LYST: variants seen among roughly 807,000 people sequenced by gnomAD.
LYST encodes the protein lysosomal-trafficking regulator.
In LYST, 192 loss-of-function variants were observed where a neutral mutation model predicts 413.6. That is an observed-to-expected ratio of 0.46 (90% CI 0.41 to 0.52). The LOEUF (loss-of-function observed/expected upper bound fraction) is 0.52, where lower values mean the gene tolerates loss of function less well. LYST is among the 20% of genes least tolerant of loss of function. The pLI, the probability that LYST is intolerant of heterozygous loss-of-function variation, is 0.00. For missense variants in LYST, 3,815 were observed against 4,499.9 expected (o/e 0.85, Z 4.35); for synonymous variants, 1,525 against 1,567.3 (o/e 0.97, Z 0.64).
chr1:235,830,679 T>C (rs577011993), intron 2 of LYST, among the ~76,000 whole-genome samples: 4 of 152,324 alleles, frequency 2.6e-5, no homozygotes, highest in East Asian at 3.9e-4. Flanking sequence ...TAACAGCACC[T>C]GGATGGAAAA....
chr1:235,752,770 C>G (rs1252978860), intron 26 of LYST, among the ~76,000 whole-genome samples: 2 of 152,038 alleles, frequency 1.3e-5, no homozygotes, highest in East Asian at 3.8e-4. Context: ...TACAATGCTT[C>G]TCTCCATCTG....
At chr1:235,707,485 C>T (rs1016702644) in intron 44 of LYST, among the ~76,000 whole-genome samples, 32 of 151,822 alleles carry the variant, frequency 2.1e-4, no homozygotes, top group South Asian at 8.3e-4. Context: ...TAGCCAGGTG[C>T]GGTGGTGGGC....
At chr1:235,828,995 A>G (rs930722922) in intron 3 of LYST, 1 of 182,444 alleles carries the variant, frequency 5.5e-6, no homozygotes, top group African/African-American at 2.4e-5. Context: ...GCTTGAGGTC[A>G]GGAGTTTAAG....
At chr1:235,882,900 G>T (rs1431431194) in intron 1 of LYST, among the ~76,000 whole-genome samples, 1 of 152,156 alleles carries the variant, frequency 6.6e-6, no homozygotes, top group Non-Finnish European at 1.5e-5. Context: ...CCGAGAATCA[G>T]ATTGGAATCT....
At chr1:235,793,444 TA>T in intron 11 of LYST, 58 bp downstream of exon 11, 1 of 809,398 alleles carries the variant, frequency 1.2e-6, no homozygotes, top group Non-Finnish European at 2.1e-6. Flanking sequence ...TACATTCTAT[TA>T]AAAATTGTAA....
chr1:235,755,503 C>T lies in LYST; in HGVS notation c.7204G>A (p.Gly2402Ser), dbSNP rs1323800720. The T allele has an allele frequency of 6.2e-7, 1 of 1,613,644 alleles. No individual in the cohort carries two copies. Among genetic ancestry groups the T allele is most frequent in the African/African-American group, 1.3e-5 (1 of 74,858 alleles). Residue 2402 changes from glycine (G) to serine (S), a missense_variant, in exon 25 of 53, where the codon GGT becomes AGT. By Grantham distance (56) the Gly-to-Ser change is moderately conservative. Around this residue, in one of 4 missense-constraint regions of LYST, gnomAD observed 771 missense variants for 837.1 expected, o/e 0.92. Coordinates refer to ENST00000389793, the MANE Select transcript of LYST (RefSeq NM_000081.4). ...TCTTCATCAAGGCCAATATGTCGAC[C>T]AAAGAACATTTCGATGAAGCATTCT... ...LLECFIEMFFGRHIGLDEEFD... is the reference protein window; with the variant it reads ...LLECFIEMFFSRHIGLDEEFD...
At chr1:235,667,727 T>C (rs1658609147) in intron 50 of LYST, among the ~76,000 whole-genome samples, 1 of 151,754 alleles carries the variant, frequency 6.6e-6, no homozygotes, top group Non-Finnish European at 1.5e-5. Context: ...AGTGCAGCGG[T>C]ACAATCTCAG....
chr1:235,858,336 A>G (rs1392262009), intron 1 of LYST, among the ~76,000 whole-genome samples: 1 of 152,224 alleles, frequency 6.6e-6, no homozygotes, highest in Non-Finnish European at 1.5e-5. Context: ...TAACCTATGG[A>G]AAATATTTAC....
chr1:235,844,849 T>C (rs754738149), intron 1 of LYST, among the ~76,000 whole-genome samples: 12 of 152,224 alleles, frequency 7.9e-5, no homozygotes, highest in Non-Finnish European at 1.6e-4. Context: ...TCAGTTGAAC[T>C]GTACAATATT....
In LYST at chr1:235,788,816, T is replaced by C. The variant is rs190647059; in HGVS notation, c.4573A>G (p.Ile1525Val). ...TCTATGAGTCTTTCACCAGGATTTATGTACTCTGCACCTTCTGGTCTGTCG... is the reference window on the plus strand; with the variant it reads ...TCTATGAGTCTTTCACCAGGATTTACGTACTCTGCACCTTCTGGTCTGTCG... ...ESDRPEGAEYINPGERLIEEG... is the reference protein window; with the variant it reads ...ESDRPEGAEYVNPGERLIEEG... The change falls in exon 13 of 53, where the codon ATA (isoleucine) becomes GTA (valine). Residue 1525 changes from isoleucine (I) to valine (V), a missense_variant. Coordinates refer to ENST00000389793, the MANE Select transcript of LYST (RefSeq NM_000081.4). 5.6e-6 allele frequency: 9 copies of C among 1,613,858 alleles called. No homozygotes were observed. The East Asian group carries it at 1.6e-4, about 28-fold the overall frequency.
chr1:235,720,728 C>G lies in LYST; in HGVS notation c.9493G>C (p.Val3165Leu). 6.2e-7 allele frequency: 1 copy of G among 1,613,780 alleles called. No homozygotes were observed. Among genetic ancestry groups the G allele is most frequent in the Non-Finnish European group, 8.5e-7 (1 of 1,179,730 alleles). The change falls in exon 40 of 53, where the codon GTG becomes CTG. Residue 3165 changes from valine (V) to leucine (L), a missense_variant. Coordinates refer to ENST00000389793, the MANE Select transcript of LYST (RefSeq NM_000081.4). ...RSFNDLMQYP[V>L]FPFILADYVS... ...TAGTCAGCAAGTATAAATGGGAACACAGGATACTGCATGAGATCATTGAAG... is the reference window on the plus strand; with the variant it reads ...TAGTCAGCAAGTATAAATGGGAACAGAGGATACTGCATGAGATCATTGAAG...
At chr1:235,878,047 G>A (rs1269666629) in intron 1 of LYST, among the ~76,000 whole-genome samples, 1 of 152,102 alleles carries the variant, frequency 6.6e-6, no homozygotes, top group Non-Finnish European at 1.5e-5. Context: ...GAATTGGAAA[G>A]GGCCTCAAAT....
intron 31 of LYST, among the ~76,000 whole-genome samples, chr1:235,740,953 A>G (rs1319577549): frequency 1.3e-5 from 2 of 152,224 alleles, no homozygotes; most frequent in Admixed American, 6.5e-5. Flanking sequence ...TAAACTTTAT[A>G]CACTCTGAAA....
intron 15 of LYST, 112 bp from the exon 16 acceptor site, chr1:235,781,167 C>A: frequency 2.8e-6 from 2 of 715,252 alleles, no homozygotes; most frequent in South Asian, 3.5e-5. Context: ...CAGTTGTTCA[C>A]TATATTTTAT....
chr1:235,807,904 A>C (rs1281152033), intron 5 of LYST, among the ~76,000 whole-genome samples: 1 of 152,148 alleles, frequency 6.6e-6, no homozygotes, highest in Non-Finnish European at 1.5e-5. Flanking sequence ...TTTATGTATT[A>C]TTTTACATGT....
At chr1:235,782,190 T>G in intron 14 of LYST, 103 bp from the exon 15 acceptor site, 1 of 1,069,278 alleles carries the variant, frequency 9.4e-7, no homozygotes, top group African/African-American at 1.6e-5. Context: ...CTTTTTTTTT[T>G]TTTTTGGAGA....
At chr1:235,741,896 G>A (rs954451906) in intron 30 of LYST, among the ~76,000 whole-genome samples, 1 of 151,922 alleles carries the variant, frequency 6.6e-6, no homozygotes, top group African/African-American at 2.4e-5. Context: ...AACAAAATGT[G>A]GTATATACAT....
intron 3 of LYST, among the ~76,000 whole-genome samples, chr1:235,820,557 G>T (rs1674646438): frequency 6.6e-6 from 1 of 151,978 alleles, no homozygotes; most frequent in South Asian, 2.1e-4. Context: ...TTTTTGTAGA[G>T]ATGGGGTTTT....
intron 1 of LYST, among the ~76,000 whole-genome samples, chr1:235,834,522 G>C (rs1238083885): frequency 6.6e-6 from 1 of 152,108 alleles, no homozygotes; most frequent in Non-Finnish European, 1.5e-5. Flanking sequence ...ACAGGCGTGA[G>C]CCACTGTACC....
Sources: allele counts gnomAD v4.1 joint callset (sites outside exome capture counted in the v4.1 genomes callset), GRCh38; gene constraint gnomAD v4.1.1; regional missense constraint gnomAD v4.1.1; transcripts MANE v1.5; gene names NCBI Gene and HGNC (gene_info 2026-07-23, HGNC 2026-07-21).